The following SIGLEC1 variants were observed in gnomAD, a reference collection of about 807,000 sequenced individuals.
SIGLEC1 encodes the protein sialoadhesin.
Under a neutral mutation model 148.0 loss-of-function variants are expected in SIGLEC1, and 132 were observed. The observed-to-expected ratio is 0.89, with a 90% CI of 0.77 to 1.03. The LOEUF is 1.03. Among genes scored for constraint, SIGLEC1 ranks in the 50% least tolerant of loss-of-function variants. SIGLEC1 has a pLI of 0.00. For synonymous variants in SIGLEC1, 945 were observed against 969.0 expected (o/e 0.98, Z 0.46); for missense variants, 2,253 against 2,271.4 (o/e 0.99, Z 0.16).
intron 7 of SIGLEC1, among the ~76,000 whole-genome samples, chr20:3,700,043 G>C (rs2087837740): frequency 6.7e-6 from 1 of 148,954 alleles, no homozygotes; most frequent in East Asian, 2.0e-4. Context: ...CCCGACCTCT[G>C]GTGATCCACC....
In SIGLEC1 at chr20:3,704,082, T is replaced by C. The variant is rs625372; in HGVS notation, c.716A>G (p.Lys239Arg). 1,032,452 of 1,611,512 alleles carry C rather than the reference T, an allele frequency of 0.64. 332,206 individuals carry two copies. The highest frequency in any genetic ancestry group is 0.68 in the East Asian group (30,528 of 44,794). ...GGGGCTGAGGAGGATCTTCACACCCTTGGGGGCATCTGCAAGTCACAGTAG... is the reference window on the plus strand; with the variant it reads ...GGGGCTGAGGAGGATCTTCACACCCCTGGGGGCATCTGCAAGTCACAGTAG... ...EIHLQVKYAPKGVKILLSPSG... is the reference protein window; with the variant it reads ...EIHLQVKYAPRGVKILLSPSG... The change falls in exon 5 of 22, where the codon AAG (lysine) becomes AGG (arginine). Residue 239 changes from lysine to arginine, a missense_variant. Transcript: ENST00000344754.
rs747249420 is a variant in SIGLEC1 at position 3,694,430 on chromosome 20, C to A, written c.3047G>T (p.Arg1016Leu). ...CACAAGGCGATCCCCGTGGAGCAGCCGCAGCTGGGCCGGAGGGTCACTGTC... is the reference window on the plus strand; with the variant it reads ...CACAAGGCGATCCCCGTGGAGCAGCAGCAGCTGGGCCGGAGGGTCACTGTC... ...RVDSDPPAQLRLLHGDRLVAS... is the reference protein window; with the variant it reads ...RVDSDPPAQLLLLHGDRLVAS... The change falls in exon 13 of 22, where the codon CGG becomes CTG. Residue 1016 changes from arginine to leucine, a missense_variant. Coordinates refer to ENST00000344754, the MANE Select transcript of SIGLEC1 (RefSeq NM_023068.4). 2.5e-6 allele frequency: 4 copies of A among 1,611,590 alleles called. No homozygotes were observed. In the Admixed American group the frequency reaches 5.0e-5, roughly 20 times the overall value.
chr20:3,694,186 C>T (rs1265531471), intron 13 of SIGLEC1, 35 bp downstream of exon 13: 1 of 1,466,988 alleles, frequency 6.8e-7, no homozygotes, highest in Admixed American at 1.8e-5. Flanking sequence ...CACACACACA[C>T]ACACACACAC....
Position 3,701,596 on chromosome 20 carries a change from G to A in SIGLEC1, c.1274C>T (p.Ala425Val), listed in dbSNP as rs142912205. The A allele has an allele frequency of 2.8e-5, 45 of 1,591,172 alleles. No individual in the cohort carries two copies. The highest frequency in any genetic ancestry group is 1.7e-4 in the Middle Eastern group (1 of 5,982). Residue 425 changes from alanine (A) to valine (V), a missense_variant, in exon 7 of 22, where the codon GCG becomes GTG. By Grantham distance (64) the Ala-to-Val change is moderately conservative. Coordinates refer to ENST00000344754, the MANE Select transcript of SIGLEC1 (RefSeq NM_023068.4). ...PVLTAFLETQ[A>V]GLVGILHCSV... Reference sequence around the variant, plus strand: ...GCAGTGAAGGATGCCCACAAGTCCCGCCTGGGTCTCCAGGAAGGCTGTCAG... The same window carrying A: ...GCAGTGAAGGATGCCCACAAGTCCCACCTGGGTCTCCAGGAAGGCTGTCAG...
At chr20:3,689,062 G>T in intron 21 of SIGLEC1, 93 bp downstream of exon 21, 2 of 1,123,534 alleles carry the variant, frequency 1.8e-6, no homozygotes, top group East Asian at 2.3e-5. Flanking sequence ...TTGGTCCCAG[G>T]CACCATCCTC....
intron 17 of SIGLEC1, 62 bp from the exon 18 acceptor site, chr20:3,691,662 G>A (rs1348654236): frequency 6.4e-7 from 1 of 1,571,314 alleles, no homozygotes; most frequent in Non-Finnish European, 8.6e-7. Flanking sequence ...GGAGCCTCTG[G>A]GTGGGACCTC....
chr20:3,694,841 G>C lies in SIGLEC1; in HGVS notation c.2766C>G (p.Val922=). 6.2e-7 allele frequency: 1 copy of C among 1,613,474 alleles called. No homozygotes were observed. The part of the protein sequence containing the change: ...VVLSCQVHTG[V]PEGTSYRWYR... The stretch of plus-strand genomic sequence containing the variant: ...ACCAACGATATGAGGTCCCCTCTGG[G>C]ACTCCTGTGTGTACCTGGCAGCTCA... Residue 922 remains valine (V), a synonymous_variant, in exon 12 of 22, where the codon GTC becomes GTG. Coordinates refer to ENST00000344754, the MANE Select transcript of SIGLEC1 (RefSeq NM_023068.4).
At chr20:3,691,241 C>T (rs1238151991) in intron 18 of SIGLEC1, 99 bp downstream of exon 18, 10 of 1,469,122 alleles carry the variant, frequency 6.8e-6, no homozygotes, top group Admixed American at 3.5e-5. Flanking sequence ...ACTCAATATC[C>T]GTGAAGCCTT....
chr20:3,706,197 G>A, intron 3 of SIGLEC1, 150 bp downstream of exon 3: 2 of 1,309,750 alleles, frequency 1.5e-6, no homozygotes, highest in South Asian at 1.4e-5. Flanking sequence ...ATACAAGGGA[G>A]AACCAGGCCT....
Position 3,694,851 on chromosome 20 carries a change from T to G in SIGLEC1, c.2756A>C (p.His919Pro), listed in dbSNP as rs709012. ...GQAVVLSCQVHTGVPEGTSYR... is the reference protein window; with the variant it reads ...GQAVVLSCQVPTGVPEGTSYR... ...TGAGGTCCCCTCTGGGACTCCTGTG[T>G]GTACCTGGCAGCTCAGGACCACAGC... Residue 919 changes from histidine (H) to proline (P), a missense_variant, in exon 12 of 22, where the codon CAC becomes CCC. Transcript: ENST00000344754. 0.64 allele frequency: 1,032,443 copies of G among 1,613,124 alleles called. 334,095 individuals carry two copies. Among genetic ancestry groups the G allele is most frequent in the East Asian group, 0.83 (37,264 of 44,872 alleles).
intron 6 of SIGLEC1, 29 bp downstream of exon 6, chr20:3,703,168 T>C: frequency 6.2e-7 from 1 of 1,612,962 alleles, no homozygotes; most frequent in Non-Finnish European, 8.5e-7. Flanking sequence ...TCTGACTGTG[T>C]CCAGTGCCAC....
Position 3,693,034 on chromosome 20 carries a change from C to T in SIGLEC1, c.3606G>A (p.Gln1202=). ...GGCGACCGGCGTGGCTGAGGGCCAGCTGGGCGGGCGGGCGGCTGTCCACAG... is the reference window on the plus strand; with the variant it reads ...GGCGACCGGCGTGGCTGAGGGCCAGTTGGGCGGGCGGGCGGCTGTCCACAG... ...LCTVDSRPPA[Q]LALSHAGRLL... is the part of the protein sequence containing the mutation. Residue 1202 remains glutamine (Q), a synonymous_variant, in exon 15 of 22, where the codon CAG becomes CAA. Coordinates refer to ENST00000344754, the MANE Select transcript of SIGLEC1 (RefSeq NM_023068.4). The T allele has an allele frequency of 6.2e-7, 1 of 1,610,578 alleles. No homozygotes were observed. Among genetic ancestry groups the T allele is most frequent in the African/African-American group, 1.3e-5 (1 of 75,046 alleles).
intron 4 of SIGLEC1, 29 bp downstream of exon 4, chr20:3,705,715 C>A: frequency 1.3e-6 from 2 of 1,578,392 alleles, no homozygotes; most frequent in Admixed American, 1.7e-5. Flanking sequence ...ATGCGCTCAG[C>A]CACAAGGGTG....
chr20:3,693,842 G>A (rs2088792446), intron 13 of SIGLEC1, 144 bp from the exon 14 acceptor site: 2 of 841,064 alleles, frequency 2.4e-6, no homozygotes, highest in Non-Finnish European at 3.5e-6. Flanking sequence ...CTATAAATGT[G>A]GCTTAGAAGT....
rs759662611 is a variant in SIGLEC1, at chr20:3,696,569, A to C, written c.2683+17T>G. 9.4e-6 allele frequency: 15 copies of C among 1,589,062 alleles called. No individual in the cohort carries two copies. Among genetic ancestry groups the C allele is most frequent in the Non-Finnish European group, 1.2e-5 (14 of 1,165,462 alleles). On this transcript the variant is annotated intron_variant, in intron 11 of 21. Coordinates refer to ENST00000344754, the MANE Select transcript of SIGLEC1 (RefSeq NM_023068.4). ...GGGCATCAGAGTCTACCATATCTTC[A>C]GAAGACTGACACTCACCTCGGACCT...
At chr20:3,703,082 C>A (rs2087863986) in intron 6 of SIGLEC1, 115 bp downstream of exon 6, 1 of 1,315,038 alleles carries the variant, frequency 7.6e-7, no homozygotes, top group Non-Finnish European at 1.1e-6. Context: ...CTCAAGGCCA[C>A]CTCCAGGTAA....
chr20:3,698,162 TC>T (rs2087821375), intron 8 of SIGLEC1, 29 bp from the exon 9 acceptor site: 2 of 1,532,062 alleles, frequency 1.3e-6, no homozygotes, highest in East Asian at 2.4e-5. Flanking sequence ...TGGGCACTCA[TC>T]CCACGGATGC....
chr20:3,696,509 G>C (rs1215479569), intron 11 of SIGLEC1, 77 bp downstream of exon 11: 17 of 1,393,012 alleles, frequency 1.2e-5, no homozygotes. Flanking sequence ...AAAATTCACA[G>C]CACCCAGCCC....
chr20:3,696,399 G>A lies in SIGLEC1; in HGVS notation c.2683+187C>T, dbSNP rs189215130. 1.3e-5 allele frequency among the ~76,000 whole-genome samples: 2 copies of A among 152,100 alleles called. 1 individual carries two copies. Among genetic ancestry groups the A allele is most frequent in the Admixed American group, 1.3e-4 (2 of 15,254 alleles). On this transcript the variant is annotated intron_variant, in intron 11 of 21. Coordinates refer to ENST00000344754, the MANE Select transcript of SIGLEC1 (RefSeq NM_023068.4). ...TTGCCATTGCCTCCTAGTGGCTGCT[G>A]CAGTTATTACAGGTGAAAATATCTA...
Sources: allele counts gnomAD v4.1 joint callset (sites outside exome capture counted in the v4.1 genomes callset), GRCh38; gene constraint gnomAD v4.1.1; transcripts MANE v1.5; gene names NCBI Gene and HGNC (gene_info 2026-07-23, HGNC 2026-07-21).